Variants in PCDHGA10 observed in about 807,000 individuals in gnomAD.
The protein encoded by PCDHGA10 is protocadherin gamma subfamily A, 10.
Under a neutral mutation model 59.5 loss-of-function variants are expected in PCDHGA10, and 42 were observed. That is an observed-to-expected ratio of 0.71 (90% CI 0.55 to 0.91). The LOEUF is 0.91. PCDHGA10 is among the 40% of genes least tolerant of loss of function. The pLI, the probability that PCDHGA10 is intolerant of heterozygous loss-of-function variation, is 0.00. For synonymous variants in PCDHGA10, 511 were observed against 517.2 expected (o/e 0.99, Z 0.16); for missense variants, 1,111 against 1,198.2 (o/e 0.93, Z 1.07).
chr5:141,507,601 A>G (rs2099861935), intron 3 of PCDHGA10, among the ~76,000 whole-genome samples: 1 of 152,254 alleles, frequency 6.6e-6, no homozygotes, highest in South Asian at 2.1e-4. Flanking sequence ...TGAGGGAAAT[A>G]AACAGGTATA....
chr5:141,421,895 G>A, intron 1 of PCDHGA10: 1 of 1,613,730 alleles, frequency 6.2e-7, no homozygotes, highest in African/African-American at 1.3e-5. Flanking sequence ...GATCCCATCC[G>A]AAAGGGCGCA....
intron 1 of PCDHGA10, among the ~76,000 whole-genome samples, chr5:141,433,573 C>T (rs1400327372): frequency 1.3e-5 from 2 of 152,046 alleles, no homozygotes; most frequent in Admixed American, 1.3e-4. Flanking sequence ...CGGTGGCTCA[C>T]GCCTGTAATC....
chr5:141,430,707 C>T, intron 1 of PCDHGA10: 2 of 1,478,562 alleles, frequency 1.4e-6, no homozygotes, highest in Non-Finnish European at 9.0e-7. Flanking sequence ...GGAACTGCTC[C>T]TGACTTCAGT....
At chr5:141,471,926 G>T (rs2099266798) in intron 1 of PCDHGA10, among the ~76,000 whole-genome samples, 1 of 152,110 alleles carries the variant, frequency 6.6e-6, no homozygotes, top group African/African-American at 2.4e-5. Flanking sequence ...AATTTTGGGG[G>T]TGATGAGAGT....
At chr5:141,439,741 A>C (rs1303886454) in intron 1 of PCDHGA10, 1 of 152,352 alleles carries the variant, frequency 6.6e-6, no homozygotes, top group African/African-American at 2.4e-5. Flanking sequence ...AACGGAACGG[A>C]TTTACAGGCA....
intron 1 of PCDHGA10, chr5:141,423,815 C>G (rs1002418139): frequency 7.9e-7 from 1 of 1,271,358 alleles, no homozygotes; most frequent in African/African-American, 1.6e-5. Context: ...GTGAGTTTTA[C>G]TTTGCCTTTC....
At chr5:141,453,481 T>TA (rs1178324090) in intron 1 of PCDHGA10, among the ~76,000 whole-genome samples, 1 of 151,928 alleles carries the variant, frequency 6.6e-6, no homozygotes, top group African/African-American at 2.4e-5. Context: ...TCAAAACTAT[T>TA]AAAAAAAGGT....
chr5:141,508,737 C>T (rs919094477), intron 3 of PCDHGA10, among the ~76,000 whole-genome samples: 1 of 152,010 alleles, frequency 6.6e-6, no homozygotes, highest in Non-Finnish European at 1.5e-5. Flanking sequence ...CTACACCCCC[C>T]ACCCCGCTCT....
intron 1 of PCDHGA10, among the ~76,000 whole-genome samples, chr5:141,456,714 C>T (rs1456452530): frequency 6.6e-6 from 1 of 152,176 alleles, no homozygotes; most frequent in Non-Finnish European, 1.5e-5. Flanking sequence ...CCTGTAATCC[C>T]AGCACTTTGG....
Position 141,427,950 on chromosome 5 carries a change from A to C in PCDHGA10, c.2436+12339A>C, listed in dbSNP as rs773336611. The stretch of plus-strand genomic sequence containing the variant: ...CATGTTGGTGGGCGACCTCAATGAC[A>C]ATGTGCCGCGGGTGCTGTACCCCGC... On this transcript the variant is annotated intron_variant, in intron 1 of 3. Transcript: ENST00000398610. 7 of 1,586,816 alleles carry C rather than the reference A, an allele frequency of 4.4e-6. No individual in the cohort carries two copies. The African/African-American group carries it at 8.1e-5, about 18-fold the overall frequency.
intron 3 of PCDHGA10, among the ~76,000 whole-genome samples, chr5:141,506,132 G>T (rs114930087): frequency 1.2e-4 from 18 of 152,310 alleles, no homozygotes; most frequent in African/African-American, 4.3e-4. Context: ...CAGAGCAGGA[G>T]AAGAAGAATA....
At chr5:141,417,826 A>T in intron 1 of PCDHGA10, 1 of 1,519,618 alleles carries the variant, frequency 6.6e-7, no homozygotes. Flanking sequence ...CTCCAACTGG[A>T]AAAGCGGGGA....
At chr5:141,480,497 A>G (rs909585240) in intron 1 of PCDHGA10, among the ~76,000 whole-genome samples, 6 of 152,236 alleles carry the variant, frequency 3.9e-5, no homozygotes, top group Non-Finnish European at 8.8e-5. Flanking sequence ...CCTTAGAAAT[A>G]CACATATGAG....
chr5:141,432,235 T>C lies in PCDHGA10; in HGVS notation c.2436+16624T>C, dbSNP rs1240828849. 1 of 1,614,102 alleles carries C rather than the reference T, an allele frequency of 6.2e-7. No individual in the cohort carries two copies. The highest frequency in any genetic ancestry group is 8.5e-7 in the Non-Finnish European group (1 of 1,180,050). ...ACGCCCAGATCACTTATTCCCTGGC[T>C]GAGAACACCATCCAAGGGGCAAGCC... On this transcript the variant is annotated intron_variant, in intron 1 of 3. Transcript: ENST00000398610. The surrounding 1 kb of genome is among the most constrained non-coding windows in gnomAD (Gnocchi z 6.0).
intron 1 of PCDHGA10, among the ~76,000 whole-genome samples, chr5:141,469,538 G>A (rs2099204234): frequency 6.6e-6 from 1 of 152,168 alleles, no homozygotes; most frequent in Non-Finnish European, 1.5e-5. Flanking sequence ...TTGTGCCACT[G>A]CACTCCAGCC....
chr5:141,467,756 T>A (rs1312303182), intron 1 of PCDHGA10, among the ~76,000 whole-genome samples: 5 of 151,988 alleles, frequency 3.3e-5, no homozygotes, highest in African/African-American at 1.2e-4. Flanking sequence ...CCGCCTCACA[T>A]GCTCAAGTGC....
chr5:141,416,478 C>T (rs1186938693), intron 1 of PCDHGA10: 4 of 151,994 alleles, frequency 2.6e-5, no homozygotes, highest in Non-Finnish European at 4.4e-5. Context: ...TACATGTTCC[C>T]GAGAACAGGA....
chr5:141,471,408 T>C (rs951728688), intron 1 of PCDHGA10: 1 of 152,166 alleles, frequency 6.6e-6, no homozygotes, highest in Non-Finnish European at 1.5e-5. Flanking sequence ...CTAGGCTTAG[T>C]TATGTTTTTA....
chr5:141,423,880 G>C, intron 1 of PCDHGA10: 1 of 1,282,292 alleles, frequency 7.8e-7, no homozygotes, highest in Non-Finnish European at 9.9e-7. Context: ...TTTCAATCTT[G>C]GCATATTTTC....
Sources: allele counts gnomAD v4.1 joint callset (sites outside exome capture counted in the v4.1 genomes callset), GRCh38; gene constraint gnomAD v4.1.1; non-coding constraint Gnocchi (gnomAD v3.1); transcripts MANE v1.5; gene names NCBI Gene and HGNC (gene_info 2026-07-23, HGNC 2026-07-21).